The following UXS1 variants were observed in gnomAD, a reference collection of about 807,000 sequenced individuals.
UXS1 encodes the protein UDP-glucuronic acid decarboxylase 1.
Under a neutral mutation model 62.6 loss-of-function variants are expected in UXS1, and 33 were observed. The observed-to-expected ratio is 0.53, with a 90% confidence interval of 0.40 to 0.70. The LOEUF is 0.70. Among genes scored for constraint, UXS1 ranks in the 30% least tolerant of loss-of-function variants. The pLI, the probability that UXS1 is intolerant of heterozygous loss-of-function variation, is 0.00. For missense variants in UXS1, 434 were observed against 556.3 expected, an observed-to-expected ratio of 0.78 and a Z score of 2.21; for synonymous variants, 213 against 206.8, an observed-to-expected ratio of 1.03 and a Z score of -0.26.
chr2:106,194,246 G>A lies in UXS1; in HGVS notation c.-5C>T, dbSNP rs999750059. The A allele has an allele frequency of 1.5e-5, 21 of 1,429,218 alleles. No homozygotes were observed. The African/African-American group carries it at 2.1e-4, about 14-fold the overall frequency. The allele number at this position is 1,429,218 out of a possible 1,614,324, so 88.5% of individuals were successfully genotyped here. A position where few individuals can be genotyped will look rare whatever the true frequency, so the allele number is the denominator to read the frequency against. On this transcript the variant is annotated 5_prime_UTR_variant, in exon 1 of 15. Coordinates refer to ENST00000283148, the MANE Select transcript of UXS1 (RefSeq NM_001253875.2). ...CAGCAGCGCCTTGCTCACCATCCCC[G>A]GGAGCCGCGCGGGTCCAGGGCCCTA...
chr2:106,154,687 C>G (rs1365143207), intron 5 of UXS1, among the ~76,000 whole-genome samples: 1 of 152,160 alleles, frequency 6.6e-6, no homozygotes, highest in Non-Finnish European at 1.5e-5. Context: ...TGTTTTAAAC[C>G]ACTCAGATGG....
At chr2:106,124,679 G>C (rs1413553620) in intron 8 of UXS1, among the ~76,000 whole-genome samples, 1 of 152,134 alleles carries the variant, frequency 6.6e-6, no homozygotes, top group Non-Finnish European at 1.5e-5. Flanking sequence ...AGATGTCACT[G>C]TTCCCCTCTG....
At chr2:106,144,743 G>A (rs1160375064) in intron 6 of UXS1, among the ~76,000 whole-genome samples, 6 of 152,180 alleles carry the variant, frequency 3.9e-5, no homozygotes, top group African/African-American at 1.4e-4. Context: ...CTCACACGGT[G>A]GAAAGGCCAA....
At chr2:106,192,454 T>C (rs1390494088) in intron 1 of UXS1, among the ~76,000 whole-genome samples, 1 of 151,716 alleles carries the variant, frequency 6.6e-6, no homozygotes, top group Non-Finnish European at 1.5e-5. Flanking sequence ...CTTGGGAGGC[T>C]GAGGCAGGAG....
intron 9 of UXS1, among the ~76,000 whole-genome samples, chr2:106,119,115 C>T (rs1679310746): frequency 6.6e-6 from 1 of 152,208 alleles, no homozygotes; most frequent in South Asian, 2.1e-4. Flanking sequence ...CACAGTGCAG[C>T]TCCTGTTGCT....
At chr2:106,156,523 G>A (rs948746250) in intron 5 of UXS1, among the ~76,000 whole-genome samples, 2 of 152,120 alleles carry the variant, frequency 1.3e-5, no homozygotes, top group Non-Finnish European at 2.9e-5. Flanking sequence ...TATAACAAAC[G>A]TACAGTCATC....
intron 5 of UXS1, among the ~76,000 whole-genome samples, chr2:106,148,611 AT>A (rs146568775): frequency 4.0e-5 from 6 of 151,866 alleles, no homozygotes; most frequent in African/African-American, 1.4e-4. Context: ...ATGCACTGGA[AT>A]TTTTTTTTCT....
At chr2:106,106,319 G>A (rs1417675268) in intron 10 of UXS1, among the ~76,000 whole-genome samples, 3 of 146,742 alleles carry the variant, frequency 2.0e-5, no homozygotes, top group African/African-American at 7.6e-5. Context: ...AGCCGAGATC[G>A]TGCCATTGCA....
At chr2:106,096,240 G>A (rs1164193381) in intron 14 of UXS1, among the ~76,000 whole-genome samples, 1 of 152,176 alleles carries the variant, frequency 6.6e-6, no homozygotes, top group Non-Finnish European at 1.5e-5. Context: ...GTGTGAATGT[G>A]AGTGTGGATC....
intron 11 of UXS1, 65 bp from the exon 12 acceptor site, chr2:106,101,183 T>TAG: frequency 1.3e-5 from 20 of 1,528,256 alleles, no homozygotes; most frequent in Non-Finnish European, 1.6e-5. Context: ...ACGCACCACA[T>TAG]AGAAGCCCTC....
intron 14 of UXS1, among the ~76,000 whole-genome samples, chr2:106,095,017 G>A (rs1004731882): frequency 1.3e-5 from 2 of 152,092 alleles, no homozygotes; most frequent in Non-Finnish European, 1.5e-5. Flanking sequence ...AGTTTCTTTG[G>A]ATCATATCCC....
chr2:106,171,569 C>T (rs1248867439), intron 1 of UXS1, among the ~76,000 whole-genome samples: 1 of 152,196 alleles, frequency 6.6e-6, no homozygotes, highest in East Asian at 1.9e-4. Context: ...TTAAGAGGCA[C>T]ATTTGTTTTA....
chr2:106,097,255 G>T (rs750382773), intron 13 of UXS1: 2 of 455,228 alleles, frequency 4.4e-6, no homozygotes, highest in Admixed American at 2.4e-5. Flanking sequence ...CTGGGTGCTC[G>T]GAGCCTAGAC....
intron 5 of UXS1, among the ~76,000 whole-genome samples, chr2:106,149,322 A>G (rs1681829912): frequency 6.6e-6 from 1 of 152,226 alleles, no homozygotes; most frequent in South Asian, 2.1e-4. Flanking sequence ...GCATTCCTGT[A>G]ACAGTGCTGC....
chr2:106,110,811 A>C (rs911169358), intron 10 of UXS1, among the ~76,000 whole-genome samples: 1 of 152,206 alleles, frequency 6.6e-6, no homozygotes, highest in Non-Finnish European at 1.5e-5. Flanking sequence ...ATTGGGGCTG[A>C]AAAATTCGTA....
intron 1 of UXS1, among the ~76,000 whole-genome samples, chr2:106,186,436 G>A (rs1337041616): frequency 7.5e-6 from 1 of 133,906 alleles, no homozygotes; most frequent in Non-Finnish European, 1.6e-5. Flanking sequence ...AAACTGCTCT[G>A]GGCTTTTATA....
At chr2:106,155,353 G>A (rs1682349222) in intron 5 of UXS1, among the ~76,000 whole-genome samples, 1 of 152,124 alleles carries the variant, frequency 6.6e-6, no homozygotes. Flanking sequence ...AAATACTAAA[G>A]GATGTTCTTT....
chr2:106,190,412 G>A (rs769271663), intron 1 of UXS1, among the ~76,000 whole-genome samples: 4 of 152,052 alleles, frequency 2.6e-5, no homozygotes, highest in Admixed American at 6.6e-5. Context: ...GTGATTCAAT[G>A]GCACAATGAT....
At chr2:106,101,950 C>G (rs562770929) in intron 11 of UXS1, 1 of 152,222 alleles carries the variant, frequency 6.6e-6, no homozygotes. Context: ...ACTTTTAAAG[C>G]TCTGACCCTT....
Sources: gnomAD v4.1 joint callset for allele counts (sites outside exome capture counted in the v4.1 genomes callset) on GRCh38, gnomAD v4.1.1 for gene constraint, MANE v1.5 for transcripts, NCBI Gene and HGNC (gene_info 2026-07-23, HGNC 2026-07-21) for gene names.